The following MAML3 variants were observed in gnomAD, a reference collection of about 807,000 sequenced individuals.
The protein encoded by MAML3 is mastermind like transcriptional coactivator 3, also known as mastermind-like protein 3.
Under a neutral mutation model 101.9 loss-of-function variants are expected in MAML3, and 27 were observed. The observed-to-expected ratio is 0.27, with a 90% confidence interval of 0.20 to 0.37. MAML3 has a LOEUF of 0.37. Ranked by LOEUF, MAML3 falls within the 10% of genes least tolerant of loss-of-function variation. MAML3 has a pLI of 1.00. For missense variants in MAML3, 1,316 were observed against 1,444.9 expected (o/e 0.91, Z 1.45); for synonymous variants, 501 against 555.9 (o/e 0.90, Z 1.39).
chr4:140,003,854 T>C (rs1393763074), intron 1 of MAML3, among the ~76,000 whole-genome samples: 1 of 152,216 alleles, frequency 6.6e-6, no homozygotes, highest in African/African-American at 2.4e-5. Context: ...GCCCCAGGTA[T>C]ATGATTTCCA....
At chr4:139,769,817 G>T (rs1164914999) in intron 2 of MAML3, among the ~76,000 whole-genome samples, 5 of 151,768 alleles carry the variant, frequency 3.3e-5, no homozygotes, top group African/African-American at 1.2e-4. Context: ...GTTTCTCCAT[G>T]TTGGTCAGGC....
At chr4:139,930,851 T>G (rs1733377504) in intron 1 of MAML3, among the ~76,000 whole-genome samples, 1 of 152,258 alleles carries the variant, frequency 6.6e-6, no homozygotes, top group African/African-American at 2.4e-5. Flanking sequence ...TTCATGATTT[T>G]TTTTTTAAGC....
At chr4:139,835,077 C>T (rs1053013931) in intron 2 of MAML3, among the ~76,000 whole-genome samples, 2 of 152,232 alleles carry the variant, frequency 1.3e-5, no homozygotes, top group African/African-American at 4.8e-5. Flanking sequence ...GGGGGATCTC[C>T]CCACTTCTGA....
intron 1 of MAML3, among the ~76,000 whole-genome samples, chr4:139,923,182 ACCAG>A (rs1434707410): frequency 1.3e-5 from 2 of 152,128 alleles, no homozygotes; most frequent in Admixed American, 6.5e-5. Context: ...TTCTTACTGC[ACCAG>A]CTTTAGAAAA....
At chr4:139,730,932 CTA>C in intron 2 of MAML3, 1 of 524,892 alleles carries the variant, frequency 1.9e-6, no homozygotes, top group East Asian at 3.1e-5. Flanking sequence ...ATGGGACTGA[CTA>C]TTGCATATAG....
chr4:139,873,641 T>C (rs538746408), intron 2 of MAML3, among the ~76,000 whole-genome samples: 26 of 152,340 alleles, frequency 1.7e-4, no homozygotes, highest in African/African-American at 6.0e-4. Flanking sequence ...GGAAGCCAGC[T>C]GCCATGTCAT....
At chr4:139,806,442 G>GA (rs1210886897) in intron 2 of MAML3, among the ~76,000 whole-genome samples, 1 of 151,954 alleles carries the variant, frequency 6.6e-6, no homozygotes. Context: ...TATTATATTG[G>GA]AAAAAAATTA....
rs535190115 is a variant in MAML3, at chr4:140,046,147, A to G, written c.468+106713T>C. ...TACTTCCTGGCTCTTGTGTGGTTAG[A>G]TGAGGTCATGTTACTAGTTCTGACA... On this transcript the variant is annotated intron_variant, in intron 1 of 4. Transcript: ENST00000509479. Among the ~76,000 whole-genome samples, 6 of 152,304 alleles carry G rather than the reference A, an allele frequency of 3.9e-5. No individual in the cohort carries two copies. In the East Asian group the frequency reaches 1.2e-3, roughly 29 times the overall value.
At position 139,890,808 on chromosome 4, in the gene MAML3, T is replaced by A; in HGVS notation, c.628A>T (p.Met210Leu). The A allele has an allele frequency of 6.2e-7, 1 of 1,614,020 alleles. No homozygotes were observed. Among genetic ancestry groups the A allele is most frequent in the Admixed American group, 1.7e-5 (1 of 60,026 alleles). Reference sequence around the variant, plus strand: ...AGAGGAGAAGCTGAAGGCAGTGGCATGTTACTGGGCAAATTGTTGATGGCT... The same window carrying A: ...AGAGGAGAAGCTGAAGGCAGTGGCAAGTTACTGGGCAAATTGTTGATGGCT... ...MEAINNLPSN[M>L]PLPSASPLHQ... Residue 210 changes from methionine to leucine, a missense_variant, in exon 2 of 5, where the codon ATG becomes TTG. Transcript: ENST00000509479. This position sits in a 1 kb window ranked among gnomAD's most constrained non-coding sequence, Gnocchi z 4.1.
chr4:139,827,875 A>G (rs1223966091), intron 2 of MAML3, among the ~76,000 whole-genome samples: 1 of 152,228 alleles, frequency 6.6e-6, no homozygotes, highest in African/African-American at 2.4e-5. Context: ...AGCTGAGGTG[A>G]TTGCCTCAAA....
chr4:139,889,919 T>C lies in MAML3; in HGVS notation c.1517A>G (p.Gln506Arg), dbSNP rs1732431617. Residue 506 changes from glutamine (Q) to arginine (R), a missense_variant, in exon 2 of 5, where the codon CAG becomes CGG. Transcript: ENST00000509479. The part of the protein sequence containing the change: ...QQQQQQQQQQ[Q>R]QQQQHSNQTS... Reference sequence around the variant, plus strand: ...CTGATTTGAGTGCTGTTGCTGCTGCTGCTGCTGCTGCTGCTGCTGCTGCTG... The same window carrying C: ...CTGATTTGAGTGCTGTTGCTGCTGCCGCTGCTGCTGCTGCTGCTGCTGCTG... 5.1e-6 allele frequency: 3 copies of C among 587,570 alleles called. No individual in the cohort carries two copies. Among genetic ancestry groups the C allele is most frequent in the Non-Finnish European group, 7.5e-6 (3 of 401,008 alleles). 36.4% of individuals were successfully genotyped at this position (587,570 alleles called of 1,614,324 possible). A position where few individuals can be genotyped will look rare whatever the true frequency, so the allele number is the denominator to read the frequency against.
chr4:139,828,264 A>G (rs948306509), intron 2 of MAML3, among the ~76,000 whole-genome samples: 6 of 152,256 alleles, frequency 3.9e-5, no homozygotes, highest in African/African-American at 1.2e-4. Flanking sequence ...TGATGTTAGG[A>G]CACCAGGATC....
At chr4:139,898,467 C>T (rs1050580385) in intron 1 of MAML3, among the ~76,000 whole-genome samples, 11 of 152,178 alleles carry the variant, frequency 7.2e-5, no homozygotes, top group Non-Finnish European at 1.0e-4. Flanking sequence ...AAACCCCAAA[C>T]GCTGCTTATT....
intron 1 of MAML3, among the ~76,000 whole-genome samples, chr4:140,104,424 TACACG>T (rs1728315659): frequency 2.7e-5 from 1 of 36,932 alleles, no homozygotes; most frequent in African/African-American, 6.7e-5. Context: ...ATATATAATA[TACACG>T]AATGTGTATA....
At position 140,108,848 on chromosome 4, in the gene MAML3, G is replaced by A. The variant is rs7692010; in HGVS notation, c.468+44012C>T. Reference sequence around the variant, plus strand: ...CTGGGGCCACACTGCCTGACTCAGGGGCCCTACCAGGAAACAACCACTGCC... The same window carrying A: ...CTGGGGCCACACTGCCTGACTCAGGAGCCCTACCAGGAAACAACCACTGCC... On this transcript the variant is annotated intron_variant, in intron 1 of 4. Transcript: ENST00000509479. 3.6e-3 allele frequency among the ~76,000 whole-genome samples: 549 copies of A among 152,174 alleles called. 2 individuals are homozygous for A. The highest frequency in any genetic ancestry group is 0.012 in the African/African-American group (510 of 41,496).
chr4:140,093,044 A>G (rs1470169762), intron 1 of MAML3, among the ~76,000 whole-genome samples: 1 of 152,204 alleles, frequency 6.6e-6, no homozygotes, highest in Non-Finnish European at 1.5e-5. Context: ...ATGTGAAGAC[A>G]GGAAAACTTT....
At chr4:139,941,067 T>C (rs1398583772) in intron 1 of MAML3, among the ~76,000 whole-genome samples, 1 of 152,244 alleles carries the variant, frequency 6.6e-6, no homozygotes, top group Admixed American at 6.5e-5. Context: ...CACCCTACAA[T>C]GTAGATTTGG....
chr4:140,050,332 G>A (rs760872748), intron 1 of MAML3, among the ~76,000 whole-genome samples: 10 of 152,136 alleles, frequency 6.6e-5, no homozygotes, highest in African/African-American at 1.7e-4. Context: ...TCTTTCGTTC[G>A]TAGAGAAAAA....
rs1727986116 is a variant in MAML3, at chr4:139,716,779, T to G, written c.*2544A>C. ...TGATTCAGATAATCTTTTATTTTTG[T>G]TTTTGTTTTCTTTAAAAGTGGTATG... is the stretch of plus-strand genomic sequence containing the variant. On this transcript the variant is annotated 3_prime_UTR_variant, in exon 5 of 5. Coordinates refer to ENST00000509479, the MANE Select transcript of MAML3 (RefSeq NM_018717.5). 6.6e-6 allele frequency: 1 copy of G among 152,412 alleles called. No homozygotes were observed. The highest frequency in any genetic ancestry group is 1.5e-5 in the Non-Finnish European group (1 of 68,022). The allele number at this position is 152,412 out of a possible 1,614,324, so 9.4% of individuals were successfully genotyped here. A position where few individuals can be genotyped will look rare whatever the true frequency, so the allele number is the denominator to read the frequency against.
Sources: allele counts gnomAD v4.1 joint callset (sites outside exome capture counted in the v4.1 genomes callset), GRCh38; gene constraint gnomAD v4.1.1; non-coding constraint Gnocchi (gnomAD v3.1); transcripts MANE v1.5; gene names NCBI Gene and HGNC (gene_info 2026-07-23, HGNC 2026-07-21).